The following CAMK2D variants were observed in gnomAD, a reference collection of about 807,000 sequenced individuals.
CAMK2D encodes the protein calcium/calmodulin dependent protein kinase II delta.
In CAMK2D, 37 loss-of-function variants were observed where a neutral mutation model predicts 84.0. The ratio of observed to expected loss-of-function variants is 0.44; its 90% CI spans 0.34 to 0.58. The LOEUF is 0.58. CAMK2D is among the 20% of genes least tolerant of loss of function. The pLI, the probability that CAMK2D is intolerant of heterozygous loss-of-function variation, is 0.02. For missense variants in CAMK2D, 448 were observed against 652.5 expected (o/e 0.69, Z 3.41); for synonymous variants, 202 against 212.5 (o/e 0.95, Z 0.43).
At position 113,457,348 on chromosome 4, in the gene CAMK2D, T is replaced by G; in HGVS notation, c.1522A>C (p.Thr508Pro). ...GGAAATATTTACTTGATGGGTACTG[T>G]TGGTGACCCCGAGCGATGAAAATGA... The part of the protein sequence containing the change: ...NVHFHRSGSP[T>P]VPIKPPCIPN... Residue 508 changes from threonine to proline, a missense_variant, in exon 19 of 21, where the codon ACA becomes CCA. By Grantham distance (38) the Thr-to-Pro change is conservative (BLOSUM62 -1). Coordinates refer to ENST00000511664, the MANE Select transcript of CAMK2D (RefSeq NM_001321571.2). 6.2e-7 allele frequency: 1 copy of G among 1,613,732 alleles called. No homozygotes were observed. The highest frequency in any genetic ancestry group is 8.5e-7 in the Non-Finnish European group (1 of 1,179,724).
intron 3 of CAMK2D, among the ~76,000 whole-genome samples, chr4:113,637,865 A>T (rs1166888102): frequency 6.6e-6 from 1 of 152,100 alleles, no homozygotes; most frequent in African/African-American, 2.4e-5. Context: ...AAATAATAAT[A>T]AATACTAAAT....
intron 4 of CAMK2D, among the ~76,000 whole-genome samples, chr4:113,562,700 T>C (rs950853489): frequency 1.3e-5 from 2 of 152,252 alleles, no homozygotes; most frequent in African/African-American, 4.8e-5. Flanking sequence ...GTGCTTGATT[T>C]TAATAATCAA....
intron 2 of CAMK2D, among the ~76,000 whole-genome samples, chr4:113,753,353 GA>G (rs1171572011): frequency 6.6e-6 from 1 of 151,784 alleles, no homozygotes; most frequent in African/African-American, 2.4e-5. Flanking sequence ...TAGTTCTAAG[GA>G]GTTAAAATGA....
chr4:113,532,813 C>T (rs1401199018), intron 7 of CAMK2D, among the ~76,000 whole-genome samples: 2 of 152,108 alleles, frequency 1.3e-5, no homozygotes, highest in Non-Finnish European at 2.9e-5. Context: ...TAAAAATGGC[C>T]TTCTCAGTGT....
At chr4:113,681,400 T>A (rs2099345481) in intron 2 of CAMK2D, among the ~76,000 whole-genome samples, 1 of 152,130 alleles carries the variant, frequency 6.6e-6, no homozygotes, top group African/African-American at 2.4e-5. Context: ...TTCTCTCTCC[T>A]GCCGCCATGT....
At chr4:113,540,758 A>G (rs1450545952) in intron 6 of CAMK2D, among the ~76,000 whole-genome samples, 1 of 152,216 alleles carries the variant, frequency 6.6e-6, no homozygotes, top group Non-Finnish European at 1.5e-5. Flanking sequence ...GGTCATTTCA[A>G]TGTGCAGAAC....
intron 15 of CAMK2D, 150 bp from the exon 16 acceptor site, chr4:113,500,661 G>T (rs2098026101): frequency 3.8e-6 from 2 of 521,698 alleles, no homozygotes; most frequent in Non-Finnish European, 3.4e-6. Context: ...ACATTAAGTG[G>T]TTTTTAACAG....
intron 4 of CAMK2D, among the ~76,000 whole-genome samples, chr4:113,596,493 C>CA (rs1317618961): frequency 2.0e-5 from 3 of 152,158 alleles, no homozygotes; most frequent in African/African-American, 7.2e-5. Context: ...TATCGCCTTA[C>CA]AAAATGTGTT....
At chr4:113,653,737 C>A (rs1287034587) in intron 3 of CAMK2D, among the ~76,000 whole-genome samples, 1 of 151,942 alleles carries the variant, frequency 6.6e-6, no homozygotes, top group Admixed American at 6.6e-5. Context: ...GTACAATAAA[C>A]ACATAAGGCA....
At chr4:113,760,586 C>T (rs2149188397) in intron 1 of CAMK2D, among the ~76,000 whole-genome samples, 1 of 152,310 alleles carries the variant, frequency 6.6e-6, no homozygotes, top group Admixed American at 6.5e-5. Context: ...GACACGCCGG[C>T]TAACCAGGAG....
intron 8 of CAMK2D, among the ~76,000 whole-genome samples, chr4:113,520,420 AAAAATAAAAT>A (rs540792727): frequency 6.6e-6 from 1 of 152,178 alleles, no homozygotes; most frequent in East Asian, 1.9e-4. Flanking sequence ...CCTCAAAAAT[AAAAATAAAAT>A]AAAATAAAAT....
intron 1 of CAMK2D, among the ~76,000 whole-genome samples, chr4:113,760,060 C>T (rs1292987811): frequency 6.6e-6 from 1 of 152,094 alleles, no homozygotes. Flanking sequence ...TATAAACCAA[C>T]AACATACATA....
At chr4:113,723,391 A>AT (rs1305067152) in intron 2 of CAMK2D, among the ~76,000 whole-genome samples, 1 of 151,876 alleles carries the variant, frequency 6.6e-6, no homozygotes, top group African/African-American at 2.4e-5. Flanking sequence ...TGCCTGGCTG[A>AT]TTTTTTATTT....
chr4:113,465,280 AC>A (rs1424822614), intron 17 of CAMK2D, among the ~76,000 whole-genome samples: 6 of 152,062 alleles, frequency 3.9e-5, no homozygotes, highest in Non-Finnish European at 8.8e-5. Flanking sequence ...CAGTCTTCCC[AC>A]CTTGGCCTTC....
chr4:113,466,607 T>C (rs1190179646), intron 16 of CAMK2D, among the ~76,000 whole-genome samples: 1 of 152,204 alleles, frequency 6.6e-6, no homozygotes, highest in Non-Finnish European at 1.5e-5. Flanking sequence ...ATACTGTAGA[T>C]GTAGGCAGAT....
intron 4 of CAMK2D, among the ~76,000 whole-genome samples, chr4:113,598,951 C>A (rs1289685380): frequency 6.6e-6 from 1 of 151,914 alleles, no homozygotes; most frequent in Non-Finnish European, 1.5e-5. Context: ...ATACAAATCA[C>A]CCTCAAAGCT....
chr4:113,603,773 T>TTTTATATATA (rs1447833124), intron 4 of CAMK2D, among the ~76,000 whole-genome samples: 1 of 127,968 alleles, frequency 7.8e-6, no homozygotes, highest in African/African-American at 3.3e-5. Context: ...TCTTGCTATT[T>TTTTATATATA]TATATATATA....
At chr4:113,456,685 CA>C (rs1370188845) in intron 19 of CAMK2D, 3 of 152,338 alleles carry the variant, frequency 2.0e-5, no homozygotes, top group African/African-American at 4.8e-5. Flanking sequence ...TTTATTATAT[CA>C]TTTTTTTCTT....
At chr4:113,527,261 G>C (rs1560729413) in intron 8 of CAMK2D, among the ~76,000 whole-genome samples, 1 of 147,814 alleles carries the variant, frequency 6.8e-6, no homozygotes, top group Non-Finnish European at 1.5e-5. Flanking sequence ...TAGCAATACA[G>C]TTTTTTTTTT....
Sources: allele counts gnomAD v4.1 joint callset (sites outside exome capture counted in the v4.1 genomes callset), GRCh38; gene constraint gnomAD v4.1.1; transcripts MANE v1.5; gene names NCBI Gene and HGNC (gene_info 2026-07-23, HGNC 2026-07-21).